SLC8A1: variants seen among roughly 807,000 people sequenced by gnomAD.
The protein encoded by SLC8A1 is solute carrier family 8 member A1, also known as sodium/calcium exchanger 1.
A neutral mutation model predicts 68.3 loss-of-function variants in SLC8A1; 18 were observed. That is an observed-to-expected ratio of 0.26 (90% CI 0.18 to 0.39). The LOEUF (loss-of-function observed/expected upper bound fraction) is 0.39, where lower values mean the gene tolerates loss of function less well. Among genes scored for constraint, SLC8A1 ranks in the 10% least tolerant of loss-of-function variants. The pLI, the probability that SLC8A1 is intolerant of heterozygous loss-of-function variation, is 1.00. For synonymous variants in SLC8A1, 475 were observed against 415.5 expected (o/e 1.14, Z -1.74); for missense variants, 985 against 1,156.7 (o/e 0.85, Z 2.15).
chr2:40,413,996 A>G (rs1375387406), intron 2 of SLC8A1, among the ~76,000 whole-genome samples: 2 of 152,212 alleles, frequency 1.3e-5, no homozygotes, highest in Non-Finnish European at 2.9e-5. Flanking sequence ...TAATTAAAAA[A>G]GAAAATTTGT....
rs963935321 is a variant in SLC8A1, at chr2:40,421,687, A to G, written c.1808+6786T>C. On this transcript the variant is annotated intron_variant, in intron 2 of 7. Transcript: ENST00000406785. Reference sequence around the variant, plus strand: ...ACTGTCACCAAAGAACACAATGCCTATTCCCATATTTAGCCCTGTGAAGAC... The same window carrying G: ...ACTGTCACCAAAGAACACAATGCCTGTTCCCATATTTAGCCCTGTGAAGAC... 8.5e-5 allele frequency among the ~76,000 whole-genome samples: 13 copies of G among 152,156 alleles called. No homozygotes were observed. The East Asian group carries it at 2.3e-3, about 27-fold the overall frequency.
intron 2 of SLC8A1, among the ~76,000 whole-genome samples, chr2:40,259,560 A>T (rs747094837): frequency 1.2e-4 from 18 of 152,016 alleles, no homozygotes; most frequent in Non-Finnish European, 1.8e-4. Context: ...GCTCACCACA[A>T]CCTTGAGCTC....
At position 40,214,986 on chromosome 2, in the gene SLC8A1, C is replaced by CTACT. The variant is rs974204684; in HGVS notation, c.1809-37135_1809-37132dup. Among the ~76,000 whole-genome samples the CTACT allele has an allele frequency of 5.3e-5, 8 of 152,222 alleles. No individual in the cohort carries two copies. The South Asian group carries it at 1.2e-3, about 24-fold the overall frequency. ...GCAGTGGACTAGTTTGGGATGGTCC[C>CTACT]TACTTTCAATTTCAGGAACACTGTA... On this transcript the variant is annotated intron_variant, in intron 2 of 7. Transcript: ENST00000406785.
At chr2:40,232,598 G>GTT (rs142725013) in intron 2 of SLC8A1, among the ~76,000 whole-genome samples, 1,914 of 133,518 alleles carry the variant, frequency 0.014, 14 homozygotes, top group South Asian at 0.032. Context: ...TTTGTATTCT[G>GTT]TTTTTTTTTT....
chr2:40,383,175 G>T (rs545451739), intron 2 of SLC8A1, among the ~76,000 whole-genome samples: 1 of 152,154 alleles, frequency 6.6e-6, no homozygotes, highest in East Asian at 1.9e-4. Context: ...CAGACACGTT[G>T]TAGATAATAA....
intron 2 of SLC8A1, among the ~76,000 whole-genome samples, chr2:40,416,153 G>A (rs1353392652): frequency 6.7e-6 from 1 of 149,202 alleles, no homozygotes; most frequent in African/African-American, 2.5e-5. Flanking sequence ...TCTTAATTAT[G>A]TATCTGCATA....
chr2:40,300,857 A>C (rs2071327033), intron 2 of SLC8A1, among the ~76,000 whole-genome samples: 1 of 152,206 alleles, frequency 6.6e-6, no homozygotes, highest in African/African-American at 2.4e-5. Flanking sequence ...TATTTAACCA[A>C]ATATGTAGAG....
intron 3 of SLC8A1, chr2:40,177,733 T>A (rs1323455879): frequency 1.4e-6 from 2 of 1,453,246 alleles, no homozygotes; most frequent in African/African-American, 1.4e-5. Flanking sequence ...CGCTGGTATG[T>A]CTTTGTTTAC....
At chr2:40,157,595 AT>A (rs975150674) in intron 6 of SLC8A1, among the ~76,000 whole-genome samples, 2 of 152,028 alleles carry the variant, frequency 1.3e-5, no homozygotes, top group Non-Finnish European at 2.9e-5. Flanking sequence ...CTGGCACACG[AT>A]TTTTTAGAGT....
chr2:40,294,965 T>C (rs2070072195), intron 2 of SLC8A1, among the ~76,000 whole-genome samples: 1 of 152,078 alleles, frequency 6.6e-6, no homozygotes, highest in South Asian at 2.1e-4. Context: ...CAGAAAAAAG[T>C]TATACTATGT....
chr2:40,212,188 A>T (rs575233352), intron 2 of SLC8A1, among the ~76,000 whole-genome samples: 1 of 152,122 alleles, frequency 6.6e-6, no homozygotes, highest in East Asian at 1.9e-4. Context: ...CATAAATCCC[A>T]GTTAATCTAA....
At chr2:40,291,830 A>C (rs2069381940) in intron 2 of SLC8A1, among the ~76,000 whole-genome samples, 1 of 151,774 alleles carries the variant, frequency 6.6e-6, no homozygotes, top group East Asian at 1.9e-4. Context: ...AAATGGATGT[A>C]CTCTTAAATT....
chr2:40,427,765 C>A (rs115583736), intron 2 of SLC8A1, among the ~76,000 whole-genome samples: 1,773 of 152,204 alleles, frequency 0.012, 27 homozygotes, highest in African/African-American at 0.041. Context: ...GTGGACAGAA[C>A]CTTATTTCTC....
At chr2:40,411,982 T>C (rs925143349) in intron 2 of SLC8A1, among the ~76,000 whole-genome samples, 3 of 152,156 alleles carry the variant, frequency 2.0e-5, no homozygotes, top group African/African-American at 7.2e-5. Context: ...AATTTACTTT[T>C]CATAAATACC....
chr2:40,414,786 T>A (rs540209949), intron 2 of SLC8A1, among the ~76,000 whole-genome samples: 1 of 152,144 alleles, frequency 6.6e-6, no homozygotes, highest in East Asian at 1.9e-4. Context: ...CTAACTTGAT[T>A]TGAATTAAAT....
intron 2 of SLC8A1, among the ~76,000 whole-genome samples, chr2:40,401,228 C>T (rs777918046): frequency 2.0e-5 from 3 of 152,128 alleles, no homozygotes; most frequent in Non-Finnish European, 4.4e-5. Context: ...TTCCAAACAC[C>T]ATCTACTTTC....
At chr2:40,160,906 A>AAGGTCTTGGATTTCCTG in intron 5 of SLC8A1, 42 bp from the exon 9 acceptor site, 1 of 1,443,666 alleles carries the variant, frequency 6.9e-7, no homozygotes, top group Non-Finnish European at 9.7e-7. Flanking sequence ...TGGGTTCGCT[A>AAGGTCTTGGATTTCCTG]AGGCCTCAGG....
At chr2:40,375,987 C>T (rs1398263070) in intron 2 of SLC8A1, among the ~76,000 whole-genome samples, 1 of 152,090 alleles carries the variant, frequency 6.6e-6, no homozygotes, top group African/African-American at 2.4e-5. Context: ...GGTGACAGAG[C>T]AAGACCCTGT....
chr2:40,176,228 A>C (rs1302300242), intron 3 of SLC8A1, among the ~76,000 whole-genome samples: 3 of 152,174 alleles, frequency 2.0e-5, no homozygotes, highest in African/African-American at 7.2e-5. Context: ...ACTTTCTAAA[A>C]AAAGTCAGTA....
Sources: gnomAD v4.1 joint callset for allele counts (sites outside exome capture counted in the v4.1 genomes callset) on GRCh38, gnomAD v4.1.1 for gene constraint, MANE v1.5 for transcripts, NCBI Gene and HGNC (gene_info 2026-07-23, HGNC 2026-07-21) for gene names.